The following PTPN5 variants were observed in gnomAD, a reference collection of about 807,000 sequenced individuals.
The protein encoded by PTPN5 is tyrosine-protein phosphatase non-receptor type 5.
In PTPN5, 29 loss-of-function variants were observed where a neutral mutation model predicts 73.9. The observed-to-expected ratio is 0.39, with a 90% CI of 0.29 to 0.54. The LOEUF is 0.54. PTPN5 is among the 20% of genes least tolerant of loss of function. The pLI is 0.65. For missense variants in PTPN5, 652 were observed against 751.4 expected (o/e 0.87, Z 1.55); for synonymous variants, 267 against 304.7 (o/e 0.88, Z 1.29).
chr11:18,742,523 TCA>T lies in PTPN5; in HGVS notation c.484-22_484-21del. The stretch of plus-strand genomic sequence containing the variant: ...CCACACCTGGTTGGGGTGTACAGCA[TCA>T]CAGATTTCGGACCACGCTGGCTGCC... On this transcript the variant is annotated intron_variant, in intron 6 of 14. Coordinates refer to ENST00000358540, the MANE Select transcript of PTPN5 (RefSeq NM_006906.2). This position sits in a 1 kb window ranked among gnomAD's most constrained non-coding sequence, Gnocchi z 4.1. 1 of 1,610,220 alleles carries T rather than the reference TCA, an allele frequency of 6.2e-7. No homozygotes were observed. Among genetic ancestry groups the T allele is most frequent in the South Asian group, 1.1e-5 (1 of 91,030 alleles).
At chr11:18,746,681 C>A (rs557437848) in intron 3 of PTPN5, among the ~76,000 whole-genome samples, 1 of 152,164 alleles carries the variant, frequency 6.6e-6, no homozygotes, top group African/African-American at 2.4e-5. Context: ...AGCAATAAAT[C>A]TAAGTGCCAA....
At chr11:18,744,605 T>C (rs931510404) in intron 3 of PTPN5, among the ~76,000 whole-genome samples, 1 of 151,124 alleles carries the variant, frequency 6.6e-6, no homozygotes, top group Non-Finnish European at 1.5e-5. Flanking sequence ...AACCCACCCA[T>C]GCCTGCCCTG....
At chr11:18,743,718 G>C in intron 4 of PTPN5, 1 of 575,644 alleles carries the variant, frequency 1.7e-6, no homozygotes, top group East Asian at 2.9e-5. Flanking sequence ...TCCACAGACA[G>C]GAGTTCTCAG....
intron 3 of PTPN5, chr11:18,749,494 G>GGC: frequency 2.0e-6 from 1 of 510,710 alleles, no homozygotes; most frequent in Non-Finnish European, 3.9e-6. Flanking sequence ...AGGGTGGGGG[G>GGC]CAGAACCTTG....
intron 1 of PTPN5, among the ~76,000 whole-genome samples, chr11:18,775,084 TGGAGGAAC>T (rs1319606414): frequency 3.3e-5 from 5 of 152,312 alleles, no homozygotes; most frequent in African/African-American, 9.6e-5. Context: ...CAGCAGCCCC[TGGAGGAAC>T]GTACTAACGT....
rs1169943545 is a variant in PTPN5 at position 18,743,246 on chromosome 11, C to G, written c.399+76G>C. ...TCTTCTGAACTCAGAGAAGCCCAAT[C>G]TGGAGGTTGGGGAGGGTGGGACTAG... On this transcript the variant is annotated intron_variant, in intron 5 of 14. Coordinates refer to ENST00000358540, the MANE Select transcript of PTPN5 (RefSeq NM_006906.2). 19 of 1,436,334 alleles carry G rather than the reference C, an allele frequency of 1.3e-5. No homozygotes were observed. The Admixed American group carries it at 3.2e-4, about 24-fold the overall frequency. The allele number at this position is 1,436,334 out of a possible 1,614,324, so 89.0% of individuals were successfully genotyped here.
chr11:18,768,813 G>T (rs1047499778), intron 2 of PTPN5, among the ~76,000 whole-genome samples: 19 of 152,184 alleles, frequency 1.2e-4, no homozygotes, highest in Admixed American at 2.0e-4. Context: ...GCTTTCCAAA[G>T]AAAATACATG....
chr11:18,772,383 G>A (rs1423260668), intron 1 of PTPN5, among the ~76,000 whole-genome samples: 1 of 152,188 alleles, frequency 6.6e-6, no homozygotes, highest in Non-Finnish European at 1.5e-5. Context: ...CTGAGCCCAG[G>A]ACTCCCAATG....
chr11:18,767,330 C>T (rs942536303), intron 2 of PTPN5, among the ~76,000 whole-genome samples: 2 of 152,078 alleles, frequency 1.3e-5, no homozygotes, highest in African/African-American at 2.4e-5. Flanking sequence ...TTATTTTTTT[C>T]CTCAACCCAA....
At chr11:18,746,195 A>ACATTT (rs1554916253) in intron 3 of PTPN5, among the ~76,000 whole-genome samples, 1 of 114,038 alleles carries the variant, frequency 8.8e-6, no homozygotes, top group African/African-American at 3.2e-5. Context: ...ATATATATAC[A>ACATTT]TTTTTTTTTT....
chr11:18,740,835 G>A, intron 7 of PTPN5, 43 bp from the exon 8 acceptor site: 1 of 1,354,874 alleles, frequency 7.4e-7, no homozygotes, highest in Non-Finnish European at 9.9e-7. Context: ...AGGGGCAGAG[G>A]GACGGGCATG....
rs80252487 is a variant in PTPN5 at position 18,753,528 on chromosome 11, A to G, written c.98-9329T>C. 7.3e-3 allele frequency among the ~76,000 whole-genome samples: 1,115 copies of G among 152,252 alleles called. 9 individuals carry two copies. The highest frequency in any genetic ancestry group is 0.013 in the South Asian group (62 of 4,816). ...CCATGGCTAACAACAAAGGACCACC[A>G]TGCTCTGGCCCCTGCTTACCTCCCC... On this transcript the variant is annotated intron_variant, in intron 3 of 14. Coordinates refer to ENST00000358540, the MANE Select transcript of PTPN5 (RefSeq NM_006906.2).
intron 3 of PTPN5, among the ~76,000 whole-genome samples, chr11:18,752,907 T>G (rs1482785266): frequency 6.6e-6 from 1 of 152,138 alleles, no homozygotes; most frequent in African/African-American, 2.4e-5. Flanking sequence ...ATCCTCTCAT[T>G]TCAAAGATGA....
chr11:18,748,772 C>T (rs564073570), intron 3 of PTPN5, among the ~76,000 whole-genome samples: 10 of 151,962 alleles, frequency 6.6e-5, no homozygotes, highest in Admixed American at 4.6e-4. Context: ...TATTAAGCGC[C>T]GATTATACGT....
intron 7 of PTPN5, among the ~76,000 whole-genome samples, chr11:18,741,224 C>T (rs1382332394): frequency 6.6e-6 from 1 of 152,126 alleles, no homozygotes; most frequent in East Asian, 1.9e-4. Context: ...CACTGCAGTC[C>T]CGGGCCCAAC....
intron 3 of PTPN5, among the ~76,000 whole-genome samples, chr11:18,763,690 C>T (rs971001602): frequency 6.6e-6 from 1 of 152,228 alleles, no homozygotes; most frequent in Non-Finnish European, 1.5e-5. Context: ...GTTTTATTTA[C>T]CTCTATATAT....
Position 18,742,259 on chromosome 11 carries a change from C to T in PTPN5, c.725+3G>A, listed in dbSNP as rs1341600956. 1 of 1,613,884 alleles carries T rather than the reference C, an allele frequency of 6.2e-7. No individual in the cohort carries two copies. The highest frequency in any genetic ancestry group is 8.5e-7 in the Non-Finnish European group (1 of 1,179,904). On this transcript the variant is annotated splice_donor_region_variant and intron_variant, in intron 7 of 14. Transcript: ENST00000358540. This position sits in a 1 kb window ranked among gnomAD's most constrained non-coding sequence, Gnocchi z 4.1. ...GAGCCCACCCCTCCTCCACCCCTCC[C>T]ACCTCTCCTGCAGACCCATGGACTT...
In PTPN5 at chr11:18,740,593, G is replaced by A; in HGVS notation, c.915+10C>T. The A allele has an allele frequency of 6.4e-7, 1 of 1,551,298 alleles. No individual in the cohort carries two copies. The highest frequency in any genetic ancestry group is 1.2e-5 in the South Asian group (1 of 81,360). ...GCACACAGTGGGGCGACCGGCTCAA[G>A]GGAACTCACAAAGAATTCCGCCTGC... On this transcript the variant is annotated intron_variant, in intron 8 of 14. Coordinates refer to ENST00000358540, the MANE Select transcript of PTPN5 (RefSeq NM_006906.2).
chr11:18,765,144 A>G (rs959268267), intron 3 of PTPN5, among the ~76,000 whole-genome samples: 8 of 152,108 alleles, frequency 5.3e-5, no homozygotes, highest in Admixed American at 5.2e-4. Context: ...ACCTTTTGTT[A>G]TAAGAAGGAA....
Sources: allele counts gnomAD v4.1 joint callset (sites outside exome capture counted in the v4.1 genomes callset), GRCh38; gene constraint gnomAD v4.1.1; non-coding constraint Gnocchi (gnomAD v3.1); transcripts MANE v1.5; gene names NCBI Gene and HGNC (gene_info 2026-07-23, HGNC 2026-07-21).